DOCK1: variants seen among roughly 807,000 people sequenced by gnomAD.
DOCK1 encodes the protein dedicator of cytokinesis 1.
DOCK1 carries 138 observed loss-of-function variants against 262.7 expected under a neutral mutation model. That is an observed-to-expected ratio of 0.53 (90% CI 0.46 to 0.61). The LOEUF (loss-of-function observed/expected upper bound fraction) is 0.61, where lower values mean the gene tolerates loss of function less well. Among genes scored for constraint, DOCK1 ranks in the 20% least tolerant of loss-of-function variants. DOCK1 has a pLI of 0.00. For synonymous variants in DOCK1, 866 were observed against 867.4 expected, an observed-to-expected ratio of 1.00 and a Z score of 0.03; for missense variants, 1,908 against 2,370.7, an observed-to-expected ratio of 0.80 and a Z score of 4.05.
intron 38 of DOCK1, among the ~76,000 whole-genome samples, chr10:127,385,892 C>T (rs1017559752): frequency 6.6e-5 from 10 of 152,206 alleles, no homozygotes; most frequent in Non-Finnish European, 1.3e-4. Context: ...GAGGTACCAG[C>T]GGTTAGACGA....
chr10:127,345,607 C>G (rs1453453094), intron 31 of DOCK1, among the ~76,000 whole-genome samples: 1 of 152,250 alleles, frequency 6.6e-6, no homozygotes, highest in Non-Finnish European at 1.5e-5. Context: ...AAGAAATGCA[C>G]TTGCTGAGCC....
chr10:127,011,273 A>G (rs528278648), intron 11 of DOCK1, among the ~76,000 whole-genome samples: 1 of 152,204 alleles, frequency 6.6e-6, no homozygotes, highest in East Asian at 1.9e-4. Flanking sequence ...GTGCTAATGA[A>G]ACCATTTTTT....
chr10:127,239,063 T>C (rs1372451236), intron 27 of DOCK1, among the ~76,000 whole-genome samples: 1 of 152,224 alleles, frequency 6.6e-6, no homozygotes, highest in African/African-American at 2.4e-5. Context: ...CACACCCTGC[T>C]GGACAGGTAC....
chr10:127,406,877 A>G (rs372556697), intron 40 of DOCK1, among the ~76,000 whole-genome samples: 1 of 152,218 alleles, frequency 6.6e-6, no homozygotes, highest in South Asian at 2.1e-4. Context: ...CATGTAAAGC[A>G]TAAGAAAAAT....
intron 13 of DOCK1, 191 bp downstream of exon 13, chr10:127,019,026 C>G (rs12778458): frequency 1.2e-6 from 1 of 829,354 alleles, no homozygotes; most frequent in East Asian, 2.7e-5. Flanking sequence ...TGCTCCCTGG[C>G]CCCCTGTACC....
intron 25 of DOCK1, among the ~76,000 whole-genome samples, chr10:127,118,058 G>A (rs76785842): frequency 6.6e-6 from 1 of 152,150 alleles, no homozygotes; most frequent in Non-Finnish European, 1.5e-5. Flanking sequence ...AGGGGAGTTT[G>A]TGCAGGACCA....
Position 127,451,675 on chromosome 10 carries a change from C to T in DOCK1, c.*248C>T. 1.4e-6 allele frequency: 1 copy of T among 733,994 alleles called. No homozygotes were observed. The highest frequency in any genetic ancestry group is 2.0e-6 in the Non-Finnish European group (1 of 493,960). The allele number at this position is 733,994 out of a possible 1,614,324, so 45.5% of individuals were successfully genotyped here. Reference sequence around the variant, plus strand: ...TATCGTAGTTATCAGAGTTGGGGGCCTCTGAGTGTGTCTGGCTCTGAGAGA... The same window carrying T: ...TATCGTAGTTATCAGAGTTGGGGGCTTCTGAGTGTGTCTGGCTCTGAGAGA... On this transcript the variant is annotated 3_prime_UTR_variant, in exon 52 of 52. Transcript: ENST00000623213.
intron 25 of DOCK1, among the ~76,000 whole-genome samples, 155 bp from the exon 26 acceptor site, chr10:127,125,319 T>C (rs2049878689): frequency 6.6e-6 from 1 of 152,198 alleles, no homozygotes; most frequent in South Asian, 2.1e-4. Flanking sequence ...GACACGGTGT[T>C]CTCACAGTCA....
rs1229870963 is a variant in DOCK1, at chr10:127,343,695, C to T, written c.3173C>T (p.Ser1058Phe). ...HLAVAFLTQE[S>F]LQLENFSSAK... ...GCTGTTGCTTTCCTTACTCAAGAGTCCCTGCAACTGGAGAATTTTTCAAGT... is the reference window on the plus strand; with the variant it reads ...GCTGTTGCTTTCCTTACTCAAGAGTTCCTGCAACTGGAGAATTTTTCAAGT... The change falls in exon 31 of 52, where the codon TCC becomes TTC. Residue 1058 changes from serine (S) to phenylalanine (F), a missense_variant. By Grantham distance (155) the Ser-to-Phe change is radical (BLOSUM62 -2). This residue lies in a region of DOCK1 where 518 missense variants were observed against 575.1 expected (regional missense o/e 0.90). Coordinates refer to ENST00000623213, the MANE Select transcript of DOCK1 (RefSeq NM_001290223.2). The T allele has an allele frequency of 6.2e-7, 1 of 1,611,568 alleles. No individual in the cohort carries two copies. Among genetic ancestry groups the T allele is most frequent in the Admixed American group, 1.7e-5 (1 of 59,760 alleles).
chr10:127,295,681 G>A (rs2766030), intron 29 of DOCK1, among the ~76,000 whole-genome samples: 278 of 146,326 alleles, frequency 1.9e-3, no homozygotes, highest in African/African-American at 6.8e-3. Flanking sequence ...ACCCCACCCC[G>A]ATAAAAAAAA....
intron 25 of DOCK1, among the ~76,000 whole-genome samples, chr10:127,116,128 T>C (rs568100224): frequency 6.6e-6 from 1 of 152,254 alleles, no homozygotes; most frequent in East Asian, 1.9e-4. Flanking sequence ...TGTTTGTTGT[T>C]TTTCTGGTGG....
intron 31 of DOCK1, among the ~76,000 whole-genome samples, chr10:127,349,404 A>C (rs2063781731): frequency 6.6e-6 from 1 of 151,830 alleles, no homozygotes; most frequent in African/African-American, 2.4e-5. Flanking sequence ...CTTTTCTCCA[A>C]GCTTTTTGGT....
intron 1 of DOCK1, among the ~76,000 whole-genome samples, chr10:126,906,738 G>T (rs970912028): frequency 2.0e-5 from 3 of 152,180 alleles, no homozygotes; most frequent in Non-Finnish European, 2.9e-5. Flanking sequence ...TTTGGGAAGC[G>T]CCCTGGCAGC....
chr10:127,212,805 C>G (rs2058040703), intron 27 of DOCK1, among the ~76,000 whole-genome samples: 1 of 127,876 alleles, frequency 7.8e-6, no homozygotes, highest in Non-Finnish European at 1.7e-5. Context: ...CTCCCCACCC[C>G]TTGCCAAAAA....
At chr10:127,407,198 C>G (rs1177273467) in intron 40 of DOCK1, among the ~76,000 whole-genome samples, 3 of 152,118 alleles carry the variant, frequency 2.0e-5, no homozygotes, top group African/African-American at 7.2e-5. Flanking sequence ...TCTTAGTCCA[C>G]TGGGGCTGCT....
chr10:127,060,421 G>T (rs1385191738), intron 22 of DOCK1, among the ~76,000 whole-genome samples: 8 of 152,172 alleles, frequency 5.3e-5, no homozygotes, highest in Admixed American at 5.2e-4. Flanking sequence ...ATTTTACACA[G>T]AATTTGTTGC....
intron 28 of DOCK1, among the ~76,000 whole-genome samples, chr10:127,250,286 T>C (rs2059580139): frequency 6.6e-6 from 1 of 152,206 alleles, no homozygotes. Flanking sequence ...TTGATAAGGA[T>C]CCTTCAAGGT....
chr10:127,430,250 G>A (rs141503888), intron 47 of DOCK1, among the ~76,000 whole-genome samples: 7 of 152,198 alleles, frequency 4.6e-5, no homozygotes, highest in South Asian at 2.1e-4. Flanking sequence ...CTCCTCTCTC[G>A]CCCTCCCTCC....
At chr10:127,182,215 G>C (rs889494395) in intron 27 of DOCK1, among the ~76,000 whole-genome samples, 1 of 152,194 alleles carries the variant, frequency 6.6e-6, no homozygotes, top group Non-Finnish European at 1.5e-5. Flanking sequence ...CACTCACAGA[G>C]GTTAAATGTA....
Sources: allele counts gnomAD v4.1 joint callset (sites outside exome capture counted in the v4.1 genomes callset), GRCh38; gene constraint gnomAD v4.1.1; regional missense constraint gnomAD v4.1.1; transcripts MANE v1.5; gene names NCBI Gene and HGNC (gene_info 2026-07-23, HGNC 2026-07-21).